STARD3NL: variants seen among roughly 807,000 people sequenced by gnomAD.
STARD3NL encodes the protein STARD3 N-terminal like.
Under a neutral mutation model 30.9 loss-of-function variants are expected in STARD3NL, and 17 were observed. That is an observed-to-expected ratio of 0.55 (90% CI 0.38 to 0.82). The LOEUF (loss-of-function observed/expected upper bound fraction) is 0.82, where lower values mean the gene tolerates loss of function less well. STARD3NL is among the 40% of genes least tolerant of loss of function. The pLI is 0.00. For synonymous variants in STARD3NL, 112 were observed against 100.5 expected, an observed-to-expected ratio of 1.11 and a Z score of -0.69; for missense variants, 234 against 277.6, an observed-to-expected ratio of 0.84 and a Z score of 1.12.
intron 7 of STARD3NL, among the ~76,000 whole-genome samples, chr7:38,226,603 C>T (rs79231236): frequency 0.016 from 2,424 of 152,306 alleles, 73 homozygotes; most frequent in African/African-American, 0.056. Context: ...GCTCTCTCTG[C>T]GTATGCTTAG....
chr7:38,184,098 CAT>C (rs917017954), intron 1 of STARD3NL, among the ~76,000 whole-genome samples: 78 of 152,186 alleles, frequency 5.1e-4, no homozygotes, highest in African/African-American at 1.5e-3. Context: ...ATATGTGAAA[CAT>C]GTGAAAGACT....
intron 1 of STARD3NL, among the ~76,000 whole-genome samples, chr7:38,188,013 A>G (rs539393286): frequency 6.6e-6 from 1 of 152,136 alleles, no homozygotes; most frequent in Non-Finnish European, 1.5e-5. Flanking sequence ...ACCCTATTCT[A>G]TGGAGTCAGT....
intron 2 of STARD3NL, among the ~76,000 whole-genome samples, chr7:38,211,088 A>G (rs942215578): frequency 6.6e-6 from 1 of 152,160 alleles, no homozygotes; most frequent in Non-Finnish European, 1.5e-5. Context: ...TTAATAACTA[A>G]AATAAATTTA....
Position 38,207,572 on chromosome 7 carries a change from G to T in STARD3NL, c.68G>T (p.Arg23Leu). The change falls in exon 2 of 9, where the codon CGC (arginine) becomes CTC (leucine). Residue 23 changes from arginine (R) to leucine (L), a missense_variant. By Grantham distance (102) the Arg-to-Leu change is moderately radical. Coordinates refer to ENST00000009041, the MANE Select transcript of STARD3NL (RefSeq NM_032016.4). Reference sequence around the variant, plus strand: ...AGCCAGAGCTCCCATGCTTCTCTGCGCAATATCCATTCCATCAACCCCACA... The same window carrying T: ...AGCCAGAGCTCCCATGCTTCTCTGCTCAATATCCATTCCATCAACCCCACA... ...TGSQSSHASL[R>L]NIHSINPTQL... 1 of 1,614,018 alleles carries T rather than the reference G, an allele frequency of 6.2e-7. No homozygotes were observed. The highest frequency in any genetic ancestry group is 8.5e-7 in the Non-Finnish European group (1 of 1,179,946).
At chr7:38,185,121 G>A (rs923939018) in intron 1 of STARD3NL, among the ~76,000 whole-genome samples, 1 of 152,010 alleles carries the variant, frequency 6.6e-6, no homozygotes, top group East Asian at 1.9e-4. Context: ...GATTCTATTT[G>A]CTAAAACATG....
intron 1 of STARD3NL, among the ~76,000 whole-genome samples, chr7:38,184,965 A>G (rs1477984641): frequency 6.6e-6 from 1 of 151,894 alleles, no homozygotes; most frequent in Non-Finnish European, 1.5e-5. Context: ...TTATGAAATT[A>G]AAGAGATCCT....
rs1583820764 is a variant in STARD3NL, at chr7:38,216,659, C to T, written c.382-366C>T. 4 of 221,686 alleles carry T rather than the reference C, an allele frequency of 1.8e-5. No individual in the cohort carries two copies. In the East Asian group the frequency reaches 3.9e-4, roughly 22 times the overall value. The allele number at this position is 221,686 out of a possible 1,614,324, so 13.7% of individuals were successfully genotyped here. On this transcript the variant is annotated intron_variant, in intron 4 of 8. Transcript: ENST00000009041. ...ACAAGGCTCAGGTATTATGGTATCT[C>T]TGGACTTCACAACCCCTGGCGAGAG...
At chr7:38,206,813 C>T (rs1024236079) in intron 1 of STARD3NL, among the ~76,000 whole-genome samples, 4 of 152,106 alleles carry the variant, frequency 2.6e-5, no homozygotes, top group Non-Finnish European at 5.9e-5. Context: ...CTCTGTTACC[C>T]AGGCTGGAGT....
chr7:38,190,598 C>A (rs77828303), intron 1 of STARD3NL, among the ~76,000 whole-genome samples: 1 of 152,148 alleles, frequency 6.6e-6, no homozygotes, highest in Non-Finnish European at 1.5e-5. Flanking sequence ...AGTACTTCAG[C>A]GTGCATCTCC....
chr7:38,217,130 C>T lies in STARD3NL; in HGVS notation c.435+52C>T, dbSNP rs765256295. On this transcript the variant is annotated intron_variant, in intron 5 of 8. Coordinates refer to ENST00000009041, the MANE Select transcript of STARD3NL (RefSeq NM_032016.4). ...GTTACCATCTTCAGTGATGAAGCCTCGTTTTTCAGTGTGAGTTTGTGGTAA... is the reference window on the plus strand; with the variant it reads ...GTTACCATCTTCAGTGATGAAGCCTTGTTTTTCAGTGTGAGTTTGTGGTAA... 22 of 1,613,414 alleles carry T rather than the reference C, an allele frequency of 1.4e-5. No individual in the cohort carries two copies. In the African/African-American group the frequency reaches 1.6e-4, roughly 12 times the overall value.
At chr7:38,190,303 A>G (rs542738776) in intron 1 of STARD3NL, among the ~76,000 whole-genome samples, 13 of 152,256 alleles carry the variant, frequency 8.5e-5, no homozygotes, top group East Asian at 1.9e-4. Context: ...GGAATTTTCT[A>G]TGTAGTATTT....
intron 1 of STARD3NL, 128 bp from the exon 2 acceptor site, chr7:38,207,319 A>G (rs887249829): frequency 1.4e-5 from 8 of 585,544 alleles, no homozygotes; most frequent in Non-Finnish European, 1.8e-5. Flanking sequence ...TTATGTCTTC[A>G]TGAAAACATA....
chr7:38,184,469 G>C (rs532593229), intron 1 of STARD3NL, among the ~76,000 whole-genome samples: 186 of 151,862 alleles, frequency 1.2e-3, no homozygotes, highest in African/African-American at 4.2e-3. Flanking sequence ...AGAAAAAAAA[G>C]CTGGAGCAGC....
At chr7:38,220,779 G>GTAC (rs1786410953) in intron 7 of STARD3NL, among the ~76,000 whole-genome samples, 1 of 152,186 alleles carries the variant, frequency 6.6e-6, no homozygotes, top group African/African-American at 2.4e-5. Context: ...CGACATGTAT[G>GTAC]TACATCCAAT....
intron 1 of STARD3NL, among the ~76,000 whole-genome samples, chr7:38,205,702 C>T (rs1785425882): frequency 2.0e-5 from 3 of 152,124 alleles, no homozygotes; most frequent in Admixed American, 1.3e-4. Context: ...CATGAGCCAA[C>T]ACATGACTAA....
intron 2 of STARD3NL, among the ~76,000 whole-genome samples, chr7:38,211,323 G>T (rs1369837563): frequency 1.3e-5 from 2 of 151,332 alleles, no homozygotes; most frequent in East Asian, 3.9e-4. Context: ...GATTTGGAAG[G>T]ATAGGTGGCA....
chr7:38,214,350 T>C lies in STARD3NL; in HGVS notation c.226-7T>C. On this transcript the variant is annotated splice_polypyrimidine_tract_variant and splice_region_variant and intron_variant, in intron 2 of 8. Transcript: ENST00000009041. ...TCCTTGTTTTTGCTTCTTACTCTCC[T>C]TTCTAGGTGAATGGAGGCATTGAGA... is the stretch of plus-strand genomic sequence containing the variant. 1 of 1,585,328 alleles carries C rather than the reference T, an allele frequency of 6.3e-7. No individual in the cohort carries two copies. Among genetic ancestry groups the C allele is most frequent in the African/African-American group, 1.4e-5 (1 of 74,038 alleles).
Position 38,217,021 on chromosome 7 carries a change from G to A in STARD3NL, c.382-4G>A. 8 of 1,614,072 alleles carry A rather than the reference G, an allele frequency of 5.0e-6. No individual in the cohort carries two copies. The highest frequency in any genetic ancestry group is 5.9e-6 in the Non-Finnish European group (7 of 1,179,946). ...TGAACAGTGCTGGATTATGTGTCTT[G>A]CAGTTGACAACGGCAGTGACCAGTG... On this transcript the variant is annotated splice_polypyrimidine_tract_variant and splice_region_variant and intron_variant, in intron 4 of 8. Transcript: ENST00000009041.
chr7:38,188,240 C>T (rs926171507), intron 1 of STARD3NL, among the ~76,000 whole-genome samples: 1 of 152,076 alleles, frequency 6.6e-6, no homozygotes, highest in African/African-American at 2.4e-5. Flanking sequence ...ATCTGAGGTG[C>T]TTCCCCTCTC....
Sources: allele counts gnomAD v4.1 joint callset (sites outside exome capture counted in the v4.1 genomes callset), GRCh38; gene constraint gnomAD v4.1.1; transcripts MANE v1.5; gene names NCBI Gene and HGNC (gene_info 2026-07-23, HGNC 2026-07-21).